GRIK2: variants seen among roughly 807,000 people sequenced by gnomAD.
GRIK2 encodes glutamate ionotropic receptor kainate type subunit 2.
In GRIK2, 32 loss-of-function variants were observed where a neutral mutation model predicts 100.3. The observed-to-expected ratio is 0.32, with a 90% CI of 0.24 to 0.43. The LOEUF (loss-of-function observed/expected upper bound fraction) is 0.43, where lower values mean the gene tolerates loss of function less well. Among genes scored for constraint, GRIK2 ranks in the 20% least tolerant of loss-of-function variants. The pLI is 1.00. For synonymous variants in GRIK2, 417 were observed against 389.4 expected (o/e 1.07, Z -0.83); for missense variants, 843 against 1,114.9 (o/e 0.76, Z 3.47).
At chr6:101,671,236 T>C (rs1770407727) in intron 4 of GRIK2, among the ~76,000 whole-genome samples, 1 of 152,180 alleles carries the variant, frequency 6.6e-6, no homozygotes, top group Non-Finnish European at 1.5e-5. Flanking sequence ...ATTGAATAAC[T>C]CTAAAAGTAT....
intron 7 of GRIK2, among the ~76,000 whole-genome samples, chr6:101,696,004 C>T (rs926800696): frequency 5.3e-5 from 8 of 151,970 alleles, no homozygotes; most frequent in Non-Finnish European, 8.8e-5. Flanking sequence ...AAATCACAAG[C>T]TGCACCATCG....
At chr6:101,853,970 A>G (rs142029374) in intron 10 of GRIK2, among the ~76,000 whole-genome samples, 1 of 152,298 alleles carries the variant, frequency 6.6e-6, no homozygotes, top group African/African-American at 2.4e-5. Context: ...TATTTAGGGC[A>G]TTGAAACTAT....
intron 14 of GRIK2, among the ~76,000 whole-genome samples, chr6:101,997,741 C>G (rs556345728): frequency 3.1e-4 from 47 of 151,972 alleles, no homozygotes; most frequent in Non-Finnish European, 5.9e-5. Context: ...GTCTTAATTA[C>G]ATTCTATTGA....
intron 10 of GRIK2, among the ~76,000 whole-genome samples, chr6:101,845,132 A>G (rs547110127): frequency 1.3e-5 from 2 of 151,890 alleles, no homozygotes; most frequent in East Asian, 1.9e-4. Context: ...CAGTCCTCCC[A>G]CTTCAGCCTC....
At chr6:101,496,336 A>G (rs1204703407) in intron 2 of GRIK2, among the ~76,000 whole-genome samples, 6 of 152,202 alleles carry the variant, frequency 3.9e-5, no homozygotes, top group African/African-American at 1.2e-4. Context: ...TGTTAGGAGC[A>G]GTGATGTGAC....
chr6:101,533,604 T>C (rs1775548919), intron 2 of GRIK2, among the ~76,000 whole-genome samples: 1 of 151,880 alleles, frequency 6.6e-6, no homozygotes, highest in Non-Finnish European at 1.5e-5. Context: ...TTCAGAAATT[T>C]TAAATGGTCT....
chr6:101,786,303 C>G (rs1779420267), intron 7 of GRIK2, among the ~76,000 whole-genome samples: 1 of 151,304 alleles, frequency 6.6e-6, no homozygotes, highest in Non-Finnish European at 1.5e-5. Context: ...TTTCTGTTGT[C>G]TGATTGCTCT....
intron 7 of GRIK2, among the ~76,000 whole-genome samples, chr6:101,745,785 A>C (rs1035799445): frequency 7.2e-5 from 11 of 152,166 alleles, no homozygotes; most frequent in African/African-American, 2.7e-4. Flanking sequence ...ATCATTTAAT[A>C]TTGTAACACT....
At chr6:102,037,550 C>G (rs1224705858) in intron 15 of GRIK2, among the ~76,000 whole-genome samples, 1 of 151,194 alleles carries the variant, frequency 6.6e-6, no homozygotes, top group Non-Finnish European at 1.5e-5. Context: ...ATTACCTGCA[C>G]CAGGGAAAGG....
At chr6:101,535,496 G>C (rs895498758) in intron 2 of GRIK2, among the ~76,000 whole-genome samples, 3 of 151,664 alleles carry the variant, frequency 2.0e-5, no homozygotes, top group African/African-American at 7.3e-5. Context: ...GGCTTTGTTT[G>C]GGAAATCGGG....
At chr6:101,943,336 G>T (rs1582585516) in intron 14 of GRIK2, among the ~76,000 whole-genome samples, 1 of 152,322 alleles carries the variant, frequency 6.6e-6, no homozygotes, top group East Asian at 1.9e-4. Flanking sequence ...CCTGCAGTAG[G>T]TGTGGAGGGG....
intron 2 of GRIK2, among the ~76,000 whole-genome samples, chr6:101,422,036 C>T (rs1015953618): frequency 6.6e-6 from 1 of 152,164 alleles, no homozygotes; most frequent in African/African-American, 2.4e-5. Flanking sequence ...ATTAATACTT[C>T]ATTTGAATTA....
chr6:102,061,702 A>T (rs1771762336), intron 16 of GRIK2, among the ~76,000 whole-genome samples: 1 of 150,492 alleles, frequency 6.6e-6, no homozygotes, highest in Non-Finnish European at 1.5e-5. Flanking sequence ...CAATGAATAA[A>T]CAAGTTATGA....
Position 101,823,411 on chromosome 6 carries a change from G to A in GRIK2, c.1317+4928G>A, listed in dbSNP as rs552287859. The stretch of plus-strand genomic sequence containing the variant: ...ATATAAAATTGGAGATTTATGGATC[G>A]TCAACTACAGGTCTATGCCTAAAGC... On this transcript the variant is annotated intron_variant, in intron 10 of 16. Coordinates refer to ENST00000369134, the MANE Select transcript of GRIK2 (RefSeq NM_021956.5). Among the ~76,000 whole-genome samples the A allele has an allele frequency of 5.9e-5, 9 of 151,942 alleles. No individual in the cohort carries two copies. The South Asian group carries it at 6.2e-4, about 11-fold the overall frequency.
At chr6:101,701,608 C>T (rs1445295872) in intron 7 of GRIK2, among the ~76,000 whole-genome samples, 1 of 151,990 alleles carries the variant, frequency 6.6e-6, no homozygotes, top group Admixed American at 6.6e-5. Context: ...TCTCTAGCCC[C>T]TAAGGCAGGT....
chr6:101,658,735 G>T (rs989236463), intron 4 of GRIK2, among the ~76,000 whole-genome samples: 6 of 152,130 alleles, frequency 3.9e-5, no homozygotes, highest in Non-Finnish European at 7.3e-5. Flanking sequence ...GCATGAGATG[G>T]TATCTCACTG....
chr6:101,543,946 G>A (rs1776119562), intron 2 of GRIK2, among the ~76,000 whole-genome samples: 1 of 152,058 alleles, frequency 6.6e-6, no homozygotes, highest in Non-Finnish European at 1.5e-5. Flanking sequence ...GAAAATGATT[G>A]AGTAAGCAGA....
chr6:101,618,996 T>A (rs1780023296), intron 2 of GRIK2, among the ~76,000 whole-genome samples: 1 of 149,132 alleles, frequency 6.7e-6, no homozygotes, highest in African/African-American at 2.5e-5. Context: ...GCATTTATAC[T>A]ATCTAGTATG....
At chr6:101,685,359 G>A (rs1771601179) in intron 6 of GRIK2, among the ~76,000 whole-genome samples, 1 of 152,102 alleles carries the variant, frequency 6.6e-6, no homozygotes, top group African/African-American at 2.4e-5. Flanking sequence ...ATGAGTCTGA[G>A]GCAAGCTGTT....
Sources: gnomAD v4.1 joint callset for allele counts (sites outside exome capture counted in the v4.1 genomes callset) on GRCh38, gnomAD v4.1.1 for gene constraint, MANE v1.5 for transcripts, NCBI Gene and HGNC (gene_info 2026-07-23, HGNC 2026-07-21) for gene names.